Variants in ELOVL6 observed in about 807,000 individuals in gnomAD.
ELOVL6 encodes the protein ELOVL fatty acid elongase 6.
A neutral mutation model predicts 31.7 loss-of-function variants in ELOVL6; 8 were observed. The ratio of observed to expected loss-of-function variants is 0.25; its 90% CI spans 0.15 to 0.45. The LOEUF is 0.45. Among genes scored for constraint, ELOVL6 ranks in the 20% least tolerant of loss-of-function variants. The pLI is 1.00. For synonymous variants in ELOVL6, 101 were observed against 117.7 expected (o/e 0.86, Z 0.92); for missense variants, 126 against 326.4 (o/e 0.39, Z 4.73).
At chr4:110,079,152 C>T (rs1755752384) in intron 2 of ELOVL6, among the ~76,000 whole-genome samples, 1 of 152,190 alleles carries the variant, frequency 6.6e-6, no homozygotes, top group Non-Finnish European at 1.5e-5. Context: ...GAGACTTTAA[C>T]ACCCTACTGT....
chr4:110,129,217 A>G (rs1330324883), intron 1 of ELOVL6, among the ~76,000 whole-genome samples: 2 of 152,162 alleles, frequency 1.3e-5, no homozygotes, highest in Non-Finnish European at 2.9e-5. Context: ...ATTGTTTTAT[A>G]TATTTCTGTT....
intron 1 of ELOVL6, among the ~76,000 whole-genome samples, chr4:110,193,593 G>A (rs1759687833): frequency 6.6e-6 from 1 of 152,068 alleles, no homozygotes; most frequent in African/African-American, 2.4e-5. Context: ...AACAGAGTGA[G>A]ACCCTGTCTC....
intron 1 of ELOVL6, among the ~76,000 whole-genome samples, chr4:110,154,973 C>G (rs1758374555): frequency 6.6e-6 from 1 of 152,046 alleles, no homozygotes; most frequent in Non-Finnish European, 1.5e-5. Context: ...ATTCTTGCAG[C>G]ATTATTTGAG....
At chr4:110,090,854 C>T (rs141374117) in intron 2 of ELOVL6, among the ~76,000 whole-genome samples, 1,593 of 152,162 alleles carry the variant, frequency 0.01, 27 homozygotes, top group African/African-American at 0.036. Flanking sequence ...CCACCCGCCT[C>T]GGCCTCCCAA....
chr4:110,156,579 A>C (rs1177213850), intron 1 of ELOVL6, among the ~76,000 whole-genome samples: 1 of 152,098 alleles, frequency 6.6e-6, no homozygotes, highest in East Asian at 1.9e-4. Context: ...TCGACTACTC[A>C]GAAGGCTGAG....
intron 1 of ELOVL6, among the ~76,000 whole-genome samples, chr4:110,169,385 C>T (rs148225599): frequency 0.12 from 18,895 of 151,698 alleles, 1,281 homozygotes; most frequent in African/African-American, 0.15. Context: ...ACTACAGGTG[C>T]CTAACACCAT....
chr4:110,083,877 C>T (rs1263721030), intron 2 of ELOVL6, among the ~76,000 whole-genome samples: 4 of 111,426 alleles, frequency 3.6e-5, no homozygotes, highest in Non-Finnish European at 8.2e-5. Context: ...GTGATGGATG[C>T]TGTGATATAT....
At chr4:110,161,689 A>T (rs1001357348) in intron 1 of ELOVL6, among the ~76,000 whole-genome samples, 31 of 152,212 alleles carry the variant, frequency 2.0e-4, no homozygotes, top group Middle Eastern at 3.2e-3. Context: ...TTACAGAGAA[A>T]CTACGTATGT....
At chr4:110,191,695 G>A (rs1035279563) in intron 1 of ELOVL6, among the ~76,000 whole-genome samples, 4 of 152,134 alleles carry the variant, frequency 2.6e-5, no homozygotes, top group Non-Finnish European at 5.9e-5. Context: ...TCTAAAGACT[G>A]ATTAGATGGG....
At chr4:110,128,992 G>GT in intron 1 of ELOVL6, among the ~76,000 whole-genome samples, 1 of 152,124 alleles carries the variant, frequency 6.6e-6, no homozygotes, top group Admixed American at 6.5e-5. Context: ...AGTTATTGTG[G>GT]TTTTGCCATT....
intron 2 of ELOVL6, among the ~76,000 whole-genome samples, chr4:110,089,236 G>A (rs916625531): frequency 2.6e-5 from 4 of 152,102 alleles, no homozygotes; most frequent in African/African-American, 9.7e-5. Flanking sequence ...GTGTGGAGAC[G>A]GTAGTGTATA....
At chr4:110,084,213 T>TATATGATATATAAAAC (rs1406798208) in intron 2 of ELOVL6, among the ~76,000 whole-genome samples, 16 of 75,494 alleles carry the variant, frequency 2.1e-4, no homozygotes, top group Admixed American at 8.9e-4. Flanking sequence ...ATATATAACA[T>TATATGATATATAAAAC]ATAACTTATA....
At chr4:110,106,013 T>C (rs79264317) in intron 1 of ELOVL6, among the ~76,000 whole-genome samples, 3,972 of 152,296 alleles carry the variant, frequency 0.026, 154 homozygotes, top group Admixed American at 0.11. Context: ...AGTGTTTTTA[T>C]TGGAACTATT....
chr4:110,080,954 T>A (rs55691482), intron 2 of ELOVL6, among the ~76,000 whole-genome samples: 37,574 of 151,592 alleles, frequency 0.25, 4,884 homozygotes, highest in Non-Finnish European at 0.29. Flanking sequence ...AACAACAGAC[T>A]AACAGAGAGC....
chr4:110,069,399 G>C (rs1315575680), intron 2 of ELOVL6, among the ~76,000 whole-genome samples: 1 of 151,790 alleles, frequency 6.6e-6, no homozygotes, highest in Non-Finnish European at 1.5e-5. Flanking sequence ...AGGCCAGAGA[G>C]AAAGGCAGTT....
chr4:110,198,094 T>G, intron 1 of ELOVL6, 153 bp downstream of exon 1: 1 of 368,626 alleles, frequency 2.7e-6, no homozygotes, highest in Non-Finnish European at 5.1e-6. Flanking sequence ...CCCCAGCGTC[T>G]CCTGCACCCG....
chr4:110,196,354 A>G (rs562809297), intron 1 of ELOVL6, among the ~76,000 whole-genome samples: 6 of 152,266 alleles, frequency 3.9e-5, no homozygotes, highest in African/African-American at 1.4e-4. Flanking sequence ...TATGACAAAC[A>G]TGTGCGGAGA....
chr4:110,149,439 T>C (rs1758221898), intron 1 of ELOVL6, among the ~76,000 whole-genome samples: 1 of 152,210 alleles, frequency 6.6e-6, no homozygotes. Flanking sequence ...CAATGAATAC[T>C]ACTCAGTCAT....
intron 2 of ELOVL6, among the ~76,000 whole-genome samples, chr4:110,080,808 G>T (rs1481906322): frequency 6.6e-6 from 1 of 152,064 alleles, no homozygotes; most frequent in Non-Finnish European, 1.5e-5. Flanking sequence ...AATTGTCCCT[G>T]TTTGCAGATG....
Sources: allele counts gnomAD v4.1 joint callset (sites outside exome capture counted in the v4.1 genomes callset), GRCh38; gene constraint gnomAD v4.1.1; transcripts MANE v1.5; gene names NCBI Gene and HGNC (gene_info 2026-07-23, HGNC 2026-07-21).